GNG7: variants seen among roughly 807,000 people sequenced by gnomAD.
GNG7 encodes the protein G protein subunit gamma 7, also known as guanine nucleotide-binding protein G(I)/G(S)/G(O) subunit gamma-7.
A neutral mutation model predicts 4.0 loss-of-function variants in GNG7; 1 was observed. The ratio of observed to expected loss-of-function variants is 0.25; its 90% CI spans 0.09 to 1.18. The LOEUF (loss-of-function observed/expected upper bound fraction) is 1.18. Among genes scored for constraint, GNG7 ranks in the 50% most tolerant of loss-of-function variants. The pLI is 0.50. For synonymous variants in GNG7, 34 were observed against 36.9 expected, an observed-to-expected ratio of 0.92 and a Z score of 0.29; for missense variants, 86 against 91.9, an observed-to-expected ratio of 0.94 and a Z score of 0.26.
intron 2 of GNG7, among the ~76,000 whole-genome samples, chr19:2,563,221 T>G (rs950238056): frequency 6.6e-6 from 1 of 151,748 alleles, no homozygotes. Flanking sequence ...GTGCTGGGAT[T>G]ACAGGTGTGA....
At chr19:2,534,600 A>G (rs1978681598) in intron 3 of GNG7, among the ~76,000 whole-genome samples, 1 of 152,202 alleles carries the variant, frequency 6.6e-6, no homozygotes, top group Admixed American at 6.5e-5. Flanking sequence ...GGGGGCCATG[A>G]GGGAGATGGC....
At chr19:2,665,866 A>T (rs1983296875) in intron 1 of GNG7, among the ~76,000 whole-genome samples, 1 of 151,964 alleles carries the variant, frequency 6.6e-6, no homozygotes. Context: ...ATTCTTTTTC[A>T]ATTTATTTTA....
In GNG7 at chr19:2,520,615, C is replaced by T. The variant is rs1335860149; in HGVS notation, c.74G>A (p.Arg25His). 15 of 1,539,670 alleles carry T rather than the reference C, an allele frequency of 9.7e-6. No individual in the cohort carries two copies. The highest frequency in any genetic ancestry group is 1.4e-5 in the African/African-American group (1 of 73,168). The change falls in exon 4 of 5, where the codon CGC becomes CAC. Residue 25 changes from arginine to histidine, a missense_variant. Arg to His is a conservative substitution (Grantham distance 29). Coordinates refer to ENST00000382159, the MANE Select transcript of GNG7 (RefSeq NM_052847.3). ...GATGCCCGCTGGGCTCACCTTGATG[C>T]GCTCAATCCCGGCTTCTATGCGTAG... ...EQLRIEAGIE[R>H]IKVSKAASDL...
chr19:2,685,051 G>A (rs1368631362), intron 1 of GNG7, among the ~76,000 whole-genome samples: 1 of 152,126 alleles, frequency 6.6e-6, no homozygotes, highest in Non-Finnish European at 1.5e-5. Context: ...TTGAACCCAG[G>A]AGGCAGAGGT....
At chr19:2,625,110 C>A (rs1310474883) in intron 2 of GNG7, among the ~76,000 whole-genome samples, 1 of 152,204 alleles carries the variant, frequency 6.6e-6, no homozygotes, top group Non-Finnish European at 1.5e-5. Flanking sequence ...TGCTCTGTCG[C>A]CAGGCTGGAG....
At chr19:2,660,109 A>T (rs967992229) in intron 1 of GNG7, among the ~76,000 whole-genome samples, 1 of 152,166 alleles carries the variant, frequency 6.6e-6, no homozygotes, top group Non-Finnish European at 1.5e-5. Flanking sequence ...CCTCTGTCGG[A>T]TTACTCACAG....
At chr19:2,550,203 C>T (rs930207870) in intron 3 of GNG7, among the ~76,000 whole-genome samples, 1 of 152,122 alleles carries the variant, frequency 6.6e-6, no homozygotes, top group Non-Finnish European at 1.5e-5. Context: ...TCTCATCCAG[C>T]CCCCGTGGCG....
At chr19:2,679,239 TAG>T (rs944478807) in intron 1 of GNG7, among the ~76,000 whole-genome samples, 1 of 152,034 alleles carries the variant, frequency 6.6e-6, no homozygotes, top group Non-Finnish European at 1.5e-5. Context: ...TTTGTAGAGA[TAG>T]AGTCTCACTA....
intron 3 of GNG7, among the ~76,000 whole-genome samples, chr19:2,524,020 C>T (rs1365849219): frequency 1.3e-5 from 2 of 152,190 alleles, no homozygotes; most frequent in Non-Finnish European, 2.9e-5. Flanking sequence ...GGAAAACCGC[C>T]CTTGGTTGGG....
At chr19:2,553,626 CACGTT>C (rs1227947756) in intron 3 of GNG7, among the ~76,000 whole-genome samples, 9 of 92,736 alleles carry the variant, frequency 9.7e-5, no homozygotes, top group African/African-American at 2.9e-4. Flanking sequence ...CATACATGCA[CACGTT>C]ACATGTAATA....
intron 3 of GNG7, among the ~76,000 whole-genome samples, chr19:2,551,207 G>A (rs138073062): frequency 0.014 from 2,166 of 152,332 alleles, 32 homozygotes; most frequent in Non-Finnish European, 0.023. Flanking sequence ...CACCCTGGCC[G>A]TTTGACCTCC....
intron 2 of GNG7, among the ~76,000 whole-genome samples, chr19:2,590,649 C>G (rs1442854223): frequency 1.4e-5 from 2 of 139,682 alleles, no homozygotes; most frequent in Non-Finnish European, 3.2e-5. Context: ...GTCCACCCAC[C>G]TATCCATTCA....
rs10414302 is a variant in GNG7, at chr19:2,614,264, C to T, written c.-78+31960G>A. Reference sequence around the variant, plus strand: ...CTTTCCCTAGCACCCTCTCCCTGCCCTCTGTGTACCCGCAGGGGGGCCCTG... The same window carrying T: ...CTTTCCCTAGCACCCTCTCCCTGCCTTCTGTGTACCCGCAGGGGGGCCCTG... On this transcript the variant is annotated intron_variant, in intron 2 of 4. Transcript: ENST00000382159. The surrounding 1 kb of genome is among the most constrained non-coding windows in gnomAD (Gnocchi z 6.0). 0.011 allele frequency among the ~76,000 whole-genome samples: 1,748 copies of T among 152,318 alleles called. 38 individuals carry two copies. Among genetic ancestry groups the T allele is most frequent in the African/African-American group, 0.04 (1,676 of 41,570 alleles).
At chr19:2,699,830 A>G (rs1418560263) in intron 1 of GNG7, among the ~76,000 whole-genome samples, 1 of 152,172 alleles carries the variant, frequency 6.6e-6, no homozygotes, top group Non-Finnish European at 1.5e-5. Flanking sequence ...AGAGACCCAG[A>G]CGCACCCCAT....
intron 1 of GNG7, among the ~76,000 whole-genome samples, chr19:2,655,561 G>C (rs939946424): frequency 3.3e-5 from 5 of 152,008 alleles, no homozygotes; most frequent in African/African-American, 1.2e-4. Context: ...AAATTAGGCC[G>C]GGTGCGGTGG....
chr19:2,582,444 T>C (rs1714022801), intron 2 of GNG7, among the ~76,000 whole-genome samples: 2 of 152,150 alleles, frequency 1.3e-5, no homozygotes, highest in Admixed American at 1.3e-4. Flanking sequence ...ATAAAAAAGA[T>C]TATAGATCAT....
At chr19:2,642,937 G>A (rs762450622) in intron 2 of GNG7, 30 of 435,254 alleles carry the variant, frequency 6.9e-5, no homozygotes, top group African/African-American at 6.3e-4. Flanking sequence ...GACCTCTCCG[G>A]GCTCTGCACA....
intron 1 of GNG7, among the ~76,000 whole-genome samples, chr19:2,648,593 A>G (rs1982728952): frequency 1.3e-5 from 2 of 152,232 alleles, no homozygotes; most frequent in African/African-American, 4.8e-5. Flanking sequence ...TTTACCATCA[A>G]TAAAAGGTAG....
intron 2 of GNG7, among the ~76,000 whole-genome samples, chr19:2,587,943 A>G (rs1980726427): frequency 6.6e-6 from 1 of 152,156 alleles, no homozygotes; most frequent in Non-Finnish European, 1.5e-5. Flanking sequence ...GAAAGAAAAG[A>G]AAAAGAAAGA....
Sources: gnomAD v4.1 joint callset for allele counts (sites outside exome capture counted in the v4.1 genomes callset) on GRCh38, gnomAD v4.1.1 for gene constraint, Gnocchi (gnomAD v3.1) non-coding constraint, MANE v1.5 for transcripts, NCBI Gene and HGNC (gene_info 2026-07-23, HGNC 2026-07-21) for gene names.